The following MFN1 variants were observed in gnomAD, a reference collection of about 807,000 sequenced individuals.
MFN1 encodes the protein mitofusin 1, also known as mitofusin-1.
MFN1 carries 65 observed loss-of-function variants against 92.4 expected under a neutral mutation model. The observed-to-expected ratio is 0.70, with a 90% CI of 0.58 to 0.86. The LOEUF (loss-of-function observed/expected upper bound fraction) is 0.86, where lower values mean the gene tolerates loss of function less well. Ranked by LOEUF, MFN1 falls within the 40% of genes least tolerant of loss-of-function variation. The pLI, the probability that MFN1 is intolerant of heterozygous loss-of-function variation, is 0.00. For synonymous variants in MFN1, 297 were observed against 300.9 expected (o/e 0.99, Z 0.13); for missense variants, 781 against 868.0 (o/e 0.90, Z 1.26).
At chr3:179,376,817 T>C (rs551980449) in intron 10 of MFN1, 1 of 344,788 alleles carries the variant, frequency 2.9e-6, no homozygotes, top group African/African-American at 2.2e-5. Flanking sequence ...ATTCATCCTT[T>C]CTGGGATTCA....
At chr3:179,348,720 C>T (rs531624279) in intron 1 of MFN1, 125 bp from the exon 2 acceptor site, 689 of 1,407,290 alleles carry the variant, frequency 4.9e-4, no homozygotes, top group Non-Finnish European at 6.4e-4. Flanking sequence ...AAAAGAATTA[C>T]CTAAAAACAT....
chr3:179,386,956 C>T (rs996310752), intron 16 of MFN1, among the ~76,000 whole-genome samples: 8 of 152,010 alleles, frequency 5.3e-5, no homozygotes, highest in Non-Finnish European at 8.8e-5. Flanking sequence ...GGGTCTCTGT[C>T]GCCCAGGCTG....
At chr3:179,366,635 T>C (rs1577007333) in intron 7 of MFN1, among the ~76,000 whole-genome samples, 3 of 152,198 alleles carry the variant, frequency 2.0e-5, no homozygotes, top group South Asian at 2.1e-4. Flanking sequence ...ATGTTTTATA[T>C]CCTCCTGTCA....
chr3:179,367,934 G>A (rs1371526400), intron 8 of MFN1, 102 bp from the exon 9 acceptor site: 5 of 410,718 alleles, frequency 1.2e-5, no homozygotes, highest in East Asian at 2.0e-4. Flanking sequence ...GGGGGAAAAA[G>A]TATATATATA....
chr3:179,348,040 T>C (rs1711982747), intron 1 of MFN1: 1 of 150,580 alleles, frequency 6.6e-6, no homozygotes, highest in Admixed American at 6.6e-5. Flanking sequence ...GATCCGGACC[T>C]AGACGGTCGT....
chr3:179,348,783 C>T lies in MFN1; in HGVS notation c.-7-62C>T, dbSNP rs1019420636. 3.8e-6 allele frequency: 6 copies of T among 1,570,210 alleles called. No homozygotes were observed. The Admixed American group carries it at 1.0e-4, about 27-fold the overall frequency. ...GAGTTGATGAATGTCACTGGTGTGTCATCAGTTTGCATGTCTATCATCCAC... is the reference window on the plus strand; with the variant it reads ...GAGTTGATGAATGTCACTGGTGTGTTATCAGTTTGCATGTCTATCATCCAC... On this transcript the variant is annotated intron_variant, in intron 1 of 17. Transcript: ENST00000471841.
At chr3:179,385,007 G>A (rs1441903855) in intron 14 of MFN1, among the ~76,000 whole-genome samples, 2 of 141,828 alleles carry the variant, frequency 1.4e-5, no homozygotes, top group Non-Finnish European at 3.0e-5. Context: ...CTGGGTTCAC[G>A]CCATTCTCCT....
intron 3 of MFN1, among the ~76,000 whole-genome samples, chr3:179,355,789 C>CA (rs1438702696): frequency 6.6e-6 from 1 of 151,846 alleles, no homozygotes; most frequent in Non-Finnish European, 1.5e-5. Context: ...CTGTCTCTAC[C>CA]AAAAATAGAA....
chr3:179,370,415 T>TTTTTTTTTTTTTTA (rs1712977506), intron 9 of MFN1, among the ~76,000 whole-genome samples: 1 of 136,026 alleles, frequency 7.4e-6, no homozygotes, highest in Non-Finnish European at 1.6e-5. Context: ...TTTTTTTTTT[T>TTTTTTTTTTTTTTA]GAGACAGAGT....
intron 3 of MFN1, 62 bp downstream of exon 3, chr3:179,352,097 C>A: frequency 6.7e-7 from 1 of 1,489,498 alleles, no homozygotes; most frequent in South Asian, 1.4e-5. Context: ...TCTGATGTTT[C>A]AACAAGTAAT....
chr3:179,380,854 G>A (rs1713437930), intron 14 of MFN1, among the ~76,000 whole-genome samples: 2 of 152,202 alleles, frequency 1.3e-5, no homozygotes, highest in Non-Finnish European at 2.9e-5. Context: ...CAGTGACTCA[G>A]TTGTGTATGC....
Position 179,386,594 on chromosome 3 carries a change from C to T in MFN1, c.1977C>T (p.Ser659=). 1 of 1,613,540 alleles carries T rather than the reference C, an allele frequency of 6.2e-7. No individual in the cohort carries two copies. The highest frequency in any genetic ancestry group is 1.1e-5 in the South Asian group (1 of 90,984). The change falls in exon 16 of 18, where the codon AGC becomes AGT. Residue 659 remains serine (S), a synonymous_variant. Coordinates refer to ENST00000471841, the MANE Select transcript of MFN1 (RefSeq NM_033540.3). ...CTGAAAAACTGAGGATGATTGTTAG[C>T]TCCACGAGTGCAAACTGCAGTCACC... The part of the protein sequence containing the change: ...YATEKLRMIV[S]STSANCSHQV...
At chr3:179,386,705 A>C (rs953187154) in intron 16 of MFN1, 76 bp downstream of exon 16, 10 of 1,280,540 alleles carry the variant, frequency 7.8e-6, no homozygotes, top group Non-Finnish European at 1.1e-5. Context: ...AGCACAAAAT[A>C]AGTGTATTGC....
intron 10 of MFN1, 36 bp downstream of exon 10, chr3:179,375,377 GTT>G: frequency 6.2e-7 from 1 of 1,603,214 alleles, no homozygotes; most frequent in East Asian, 2.3e-5. Context: ...AAAAATGTTA[GTT>G]TTTTTGTCAG....
chr3:179,351,771 C>G, intron 2 of MFN1, 129 bp from the exon 3 acceptor site: 1 of 810,866 alleles, frequency 1.2e-6, no homozygotes, highest in Non-Finnish European at 1.8e-6. Context: ...GCACCTTTTA[C>G]CAAACATTGA....
rs775898246 is a variant in MFN1 at position 179,349,007 on chromosome 3, T to C, written c.112+44T>C. On this transcript the variant is annotated intron_variant, in intron 2 of 17. Coordinates refer to ENST00000471841, the MANE Select transcript of MFN1 (RefSeq NM_033540.3). ...TTTAAAGTAATTACTGTTGAAAATA[T>C]ATAAAAGTGCTTATTCTTTCAACGT... 2.7e-6 allele frequency: 4 copies of C among 1,487,022 alleles called. No homozygotes were observed. In the South Asian group the frequency reaches 3.6e-5, roughly 14 times the overall value. 92.1% of individuals were successfully genotyped at this position (1,487,022 alleles called of 1,614,324 possible). A position where few individuals can be genotyped will look rare whatever the true frequency, so the allele number is the denominator to read the frequency against.
chr3:179,386,723 A>G lies in MFN1; in HGVS notation c.2012+94A>G, dbSNP rs549498196. 6 of 1,149,910 alleles carry G rather than the reference A, an allele frequency of 5.2e-6. No individual in the cohort carries two copies. In the East Asian group the frequency reaches 1.4e-4, roughly 28 times the overall value. 71.2% of individuals were successfully genotyped at this position (1,149,910 alleles called of 1,614,324 possible). A position where few individuals can be genotyped will look rare whatever the true frequency, so the allele number is the denominator to read the frequency against. On this transcript the variant is annotated intron_variant, in intron 16 of 17. Coordinates refer to ENST00000471841, the MANE Select transcript of MFN1 (RefSeq NM_033540.3). ...ACAAAATAAGTGTATTGCTCAAAGA[A>G]TTATCACAAAATGAACATGTTTCGT...
intron 12 of MFN1, among the ~76,000 whole-genome samples, chr3:179,377,875 C>G (rs1310175568): frequency 6.6e-6 from 1 of 151,824 alleles, no homozygotes; most frequent in Admixed American, 6.6e-5. Context: ...CCAGCCTGAC[C>G]AACATGGTGA....
At chr3:179,367,730 C>A in intron 8 of MFN1, 138 bp downstream of exon 8, 1 of 623,692 alleles carries the variant, frequency 1.6e-6, no homozygotes, top group South Asian at 2.9e-5. Context: ...TGAGACCAGC[C>A]TGGCCAACAT....
Sources: allele counts gnomAD v4.1 joint callset (sites outside exome capture counted in the v4.1 genomes callset), GRCh38; gene constraint gnomAD v4.1.1; transcripts MANE v1.5; gene names NCBI Gene and HGNC (gene_info 2026-07-23, HGNC 2026-07-21).